The following FHL2 variants were observed in gnomAD, a reference collection of about 807,000 sequenced individuals.
The protein encoded by FHL2 is four and a half LIM domains protein 2.
A neutral mutation model predicts 32.7 loss-of-function variants in FHL2; 20 were observed. That is an observed-to-expected ratio of 0.61 (90% CI 0.43 to 0.89). The LOEUF (loss-of-function observed/expected upper bound fraction) is 0.89, where lower values mean the gene tolerates loss of function less well. FHL2 is among the 40% of genes least tolerant of loss of function. The pLI, the probability that FHL2 is intolerant of heterozygous loss-of-function variation, is 0.00. For missense variants in FHL2, 311 were observed against 358.6 expected, an observed-to-expected ratio of 0.87 and a Z score of 1.07; for synonymous variants, 123 against 128.1, an observed-to-expected ratio of 0.96 and a Z score of 0.27.
At chr2:105,401,835 C>T (rs988048156), upstream of FHL2, among the ~76,000 whole-genome samples, 1 of 151,816 alleles carries the variant, frequency 6.6e-6, no homozygotes, top group South Asian at 2.1e-4. Context: ...AAAGAAAGGA[C>T]GGGGGAAGAC....
chr2:105,365,149 C>G (rs1411550780), intron 5 of FHL2, among the ~76,000 whole-genome samples: 6 of 152,186 alleles, frequency 3.9e-5, no homozygotes, highest in Non-Finnish European at 8.8e-5. Context: ...GACTCCTTCC[C>G]TCAACACCAC....
chr2:105,399,279 T>C (rs1402465226), upstream of FHL2: 1 of 1,535,706 alleles, frequency 6.5e-7, no homozygotes, highest in Non-Finnish European at 8.7e-7. Context: ...GCACAGTAGT[T>C]ATCGGGAGCG....
chr2:105,359,455 T>C (rs1292733765), downstream of FHL2: 1 of 152,212 alleles, frequency 6.6e-6, no homozygotes, highest in Admixed American at 6.5e-5. Context: ...AAGAAACTGA[T>C]TTCACATATG....
chr2:105,386,349 C>T lies in FHL2; in HGVS notation c.156+12G>A, dbSNP rs377250453. Reference sequence around the variant, plus strand: ...GGAGCGCCGGGGACCCGCAGAGGCCCGCAGCAGGTACCTTGCAGTCACAGC... The same window carrying T: ...GGAGCGCCGGGGACCCGCAGAGGCCTGCAGCAGGTACCTTGCAGTCACAGC... On this transcript the variant is annotated intron_variant, in intron 3 of 6. Transcript: ENST00000530340. 23 of 1,612,318 alleles carry T rather than the reference C, an allele frequency of 1.4e-5. No homozygotes were observed. Among genetic ancestry groups the T allele is most frequent in the East Asian group, 6.7e-5 (3 of 44,870 alleles).
At chr2:105,435,593 A>G (rs1408609119) in intron 1 of FHL2, among the ~76,000 whole-genome samples, 1 of 152,120 alleles carries the variant, frequency 6.6e-6, no homozygotes, top group Admixed American at 6.6e-5. Context: ...AGGCTGAGGC[A>G]GGTGGATCAC....
At chr2:105,361,461 G>A in intron 6 of FHL2, 27 bp from the exon 7 acceptor site, 2 of 1,599,354 alleles carry the variant, frequency 1.3e-6, no homozygotes, top group Non-Finnish European at 1.7e-6. Flanking sequence ...AATAATACCG[G>A]ATGAAGAAAG....
At chr2:105,405,724 C>T (rs969162520) in intron 1 of FHL2, among the ~76,000 whole-genome samples, 5 of 152,214 alleles carry the variant, frequency 3.3e-5, no homozygotes, top group African/African-American at 4.8e-5. Flanking sequence ...GGGTCATTAA[C>T]AGAAAATCCC....
chr2:105,377,364 C>T (rs1320798674), intron 3 of FHL2, among the ~76,000 whole-genome samples: 1 of 152,178 alleles, frequency 6.6e-6, no homozygotes, highest in Non-Finnish European at 1.5e-5. Flanking sequence ...GGCGAGGTGG[C>T]TCACGCCTGT....
intron 1 of FHL2, among the ~76,000 whole-genome samples, chr2:105,405,380 G>C (rs979112812): frequency 6.6e-6 from 1 of 152,100 alleles, no homozygotes; most frequent in African/African-American, 2.4e-5. Flanking sequence ...CTGAAATGGG[G>C]GAGTCTCATG....
intron 4 of FHL2, among the ~76,000 whole-genome samples, chr2:105,369,189 G>T (rs1178527057): frequency 2.0e-5 from 3 of 152,184 alleles, no homozygotes; most frequent in Non-Finnish European, 4.4e-5. Context: ...GGGGGTCAGG[G>T]AATGATGGGG....
intron 3 of FHL2, among the ~76,000 whole-genome samples, chr2:105,377,291 G>A (rs905439091): frequency 6.6e-6 from 1 of 152,162 alleles, no homozygotes; most frequent in African/African-American, 2.4e-5. Flanking sequence ...TGGTTAAGAA[G>A]GTAAGTGTGA....
intron 3 of FHL2, among the ~76,000 whole-genome samples, chr2:105,381,486 C>T (rs923892327): frequency 3.3e-5 from 5 of 152,084 alleles, no homozygotes; most frequent in African/African-American, 9.7e-5. Context: ...GATTTGGTTC[C>T]GGGGTCCAGC....
At chr2:105,432,727 C>T (rs1245176171) in intron 1 of FHL2, among the ~76,000 whole-genome samples, 1 of 152,158 alleles carries the variant, frequency 6.6e-6, no homozygotes, top group African/African-American at 2.4e-5. Flanking sequence ...GGCACACTCA[C>T]ACAAACTAAT....
chr2:105,381,073 G>T (rs982298465), intron 3 of FHL2, among the ~76,000 whole-genome samples: 2 of 151,984 alleles, frequency 1.3e-5, no homozygotes, highest in Non-Finnish European at 2.9e-5. Flanking sequence ...TGGGTGGCAG[G>T]GTCACCCAGA....
chr2:105,405,114 G>A (rs1477044417), intron 1 of FHL2, among the ~76,000 whole-genome samples: 1 of 152,158 alleles, frequency 6.6e-6, no homozygotes, highest in Admixed American at 6.5e-5. Flanking sequence ...GTATTTGTAA[G>A]GTAGACTCTG....
chr2:105,404,195 G>A (rs999199824), upstream of FHL2, among the ~76,000 whole-genome samples: 1 of 152,234 alleles, frequency 6.6e-6, no homozygotes, highest in Admixed American at 6.5e-5. Context: ...CATCAAGATT[G>A]TTAAGCATTT....
chr2:105,428,205 C>G (rs2104678664), intron 1 of FHL2, among the ~76,000 whole-genome samples: 1 of 152,316 alleles, frequency 6.6e-6, no homozygotes, highest in South Asian at 2.1e-4. Flanking sequence ...CCTGGAGGCC[C>G]TGAGCCACCC....
At chr2:105,381,524 C>T (rs575995543) in intron 3 of FHL2, among the ~76,000 whole-genome samples, 8 of 152,178 alleles carry the variant, frequency 5.3e-5, no homozygotes, top group East Asian at 1.9e-4. Flanking sequence ...CACTGCTGAG[C>T]GCTGTGCACC....
chr2:105,368,610 C>A (rs1680802812), intron 4 of FHL2, among the ~76,000 whole-genome samples: 1 of 152,198 alleles, frequency 6.6e-6, no homozygotes, highest in Admixed American at 6.5e-5. Flanking sequence ...TCCAAGTGAA[C>A]TGAGGAGCTC....
Sources: gnomAD v4.1 joint callset for allele counts (sites outside exome capture counted in the v4.1 genomes callset) on GRCh38, gnomAD v4.1.1 for gene constraint, MANE v1.5 for transcripts, NCBI Gene and HGNC (gene_info 2026-07-23, HGNC 2026-07-21) for gene names.